Variants in ESRRG observed in about 807,000 individuals in gnomAD.
ESRRG encodes estrogen related receptor gamma.
Under a neutral mutation model 44.0 loss-of-function variants are expected in ESRRG, and 13 were observed. That is an observed-to-expected ratio of 0.30 (90% CI 0.19 to 0.47). The LOEUF is 0.47. Ranked by LOEUF, ESRRG falls within the 20% of genes least tolerant of loss-of-function variation. The pLI, the probability that ESRRG is intolerant of heterozygous loss-of-function variation, is 1.00. For missense variants in ESRRG, 395 were observed against 580.6 expected (o/e 0.68, Z 3.29); for synonymous variants, 215 against 214.6 (o/e 1.00, Z -0.02).
rs1434048457 is a variant in ESRRG at position 216,505,484 on chromosome 1, T to C, written c.*1455A>G. On this transcript the variant is annotated 3_prime_UTR_variant, in exon 7 of 7. Coordinates refer to ENST00000408911, the MANE Select transcript of ESRRG (RefSeq NM_001438.4). Reference sequence around the variant, plus strand: ...TTTTTTAATTCTGGCATTTGCCTTATTGCCTCTTAAATGAATACTGGCTCA... The same window carrying C: ...TTTTTTAATTCTGGCATTTGCCTTACTGCCTCTTAAATGAATACTGGCTCA... 6.6e-6 allele frequency: 1 copy of C among 152,588 alleles called. No homozygotes were observed. Among genetic ancestry groups the C allele is most frequent in the East Asian group, 1.9e-4 (1 of 5,202 alleles). 9.5% of individuals were successfully genotyped at this position (152,588 alleles called of 1,614,324 possible). A position where few individuals can be genotyped will look rare whatever the true frequency, so the allele number is the denominator to read the frequency against.
intron 1 of ESRRG, among the ~76,000 whole-genome samples, chr1:217,126,169 C>T (rs12121769): frequency 0.033 from 5,089 of 152,162 alleles, 109 homozygotes; most frequent in African/African-American, 0.048. Flanking sequence ...CCTCACTTTC[C>T]TCTCTGTGGG....
At chr1:217,034,318 G>T (rs1051128002) in intron 1 of ESRRG, among the ~76,000 whole-genome samples, 1 of 152,088 alleles carries the variant, frequency 6.6e-6, no homozygotes, top group African/African-American at 2.4e-5. Flanking sequence ...AATATCTTTC[G>T]TACCCATATA....
Position 217,030,102 on chromosome 1 carries a change from C to T in ESRRG, c.-106+59405G>A, listed in dbSNP as rs562716136. ...ATGTCAAAGAAAGAATAAGGTGGTG[C>T]GGAGGCAGTGCCTACACAGAGATTC... On this transcript the variant is annotated intron_variant, in intron 1 of 7. Transcript: ENST00000359162. Among the ~76,000 whole-genome samples the T allele has an allele frequency of 5.3e-5, 8 of 152,196 alleles. No homozygotes were observed. In the South Asian group the frequency reaches 1.0e-3, roughly 20 times the overall value.
chr1:216,663,989 T>A (rs1252166052), intron 2 of ESRRG, among the ~76,000 whole-genome samples: 1 of 152,140 alleles, frequency 6.6e-6, no homozygotes, highest in East Asian at 1.9e-4. Flanking sequence ...TTTCTAAAAA[T>A]GAATTGCAAA....
At chr1:216,676,603 A>G (rs887091666) in intron 2 of ESRRG, among the ~76,000 whole-genome samples, 2 of 152,204 alleles carry the variant, frequency 1.3e-5, no homozygotes, top group African/African-American at 4.8e-5. Flanking sequence ...GATCTAATGA[A>G]TCAGAAATTC....
intron 1 of ESRRG, among the ~76,000 whole-genome samples, chr1:216,691,325 T>C (rs550513172): frequency 6.6e-6 from 1 of 152,250 alleles, no homozygotes; most frequent in East Asian, 1.9e-4. Context: ...AAATACCACA[T>C]ATGAAACCTG....
intron 2 of ESRRG, among the ~76,000 whole-genome samples, chr1:216,829,779 C>A (rs1227802141): frequency 1.3e-5 from 2 of 152,058 alleles, no homozygotes; most frequent in Non-Finnish European, 2.9e-5. Flanking sequence ...GTCTCAAACT[C>A]CTGACCTCGA....
chr1:216,688,980 AAC>A (rs1467371442), intron 1 of ESRRG, among the ~76,000 whole-genome samples: 2 of 152,152 alleles, frequency 1.3e-5, no homozygotes, highest in African/African-American at 4.8e-5. Flanking sequence ...CATATGGGTA[AAC>A]ACACATTAAC....
chr1:217,065,476 A>C (rs1234052213), intron 1 of ESRRG, among the ~76,000 whole-genome samples: 6 of 152,196 alleles, frequency 3.9e-5, no homozygotes, highest in Non-Finnish European at 8.8e-5. Flanking sequence ...TTCAAACATG[A>C]GGTTTCAGTG....
intron 2 of ESRRG, among the ~76,000 whole-genome samples, chr1:216,768,776 C>T (rs2093238111): frequency 6.6e-6 from 1 of 152,018 alleles, no homozygotes; most frequent in Non-Finnish European, 1.5e-5. Context: ...CAGGGGTAAG[C>T]CACTGTGCCC....
chr1:216,542,586 T>C (rs1488828359), intron 5 of ESRRG, among the ~76,000 whole-genome samples: 1 of 152,028 alleles, frequency 6.6e-6, no homozygotes, highest in African/African-American at 2.4e-5. Context: ...TTGTAGCATT[T>C]GTTACACATA....
chr1:217,062,281 T>C (rs1034307678), intron 1 of ESRRG, among the ~76,000 whole-genome samples: 4 of 152,142 alleles, frequency 2.6e-5, no homozygotes, highest in African/African-American at 4.8e-5. Context: ...AAAATGACCA[T>C]GTTTTAAAAG....
intron 2 of ESRRG, among the ~76,000 whole-genome samples, chr1:216,834,622 T>C (rs1439806515): frequency 1.3e-5 from 2 of 152,196 alleles, no homozygotes; most frequent in African/African-American, 2.4e-5. Context: ...TGAAAAATGA[T>C]TGTCTTTGAC....
At chr1:216,888,633 G>T (rs950727551) in intron 2 of ESRRG, among the ~76,000 whole-genome samples, 3 of 152,010 alleles carry the variant, frequency 2.0e-5, no homozygotes, top group Non-Finnish European at 2.9e-5. Context: ...ATCAAAACTT[G>T]CTTCTACAGA....
chr1:216,986,802 A>G (rs984649695), intron 1 of ESRRG, among the ~76,000 whole-genome samples: 2 of 152,178 alleles, frequency 1.3e-5, no homozygotes, highest in East Asian at 3.9e-4. Flanking sequence ...AAATTCTTCT[A>G]AATCTCCCAG....
chr1:216,582,348 G>A (rs2062944727), intron 3 of ESRRG, among the ~76,000 whole-genome samples: 1 of 152,046 alleles, frequency 6.6e-6, no homozygotes. Flanking sequence ...GGCAACAAAG[G>A]GTCTTTAAAT....
chr1:216,733,448 T>C (rs1170676677), intron 2 of ESRRG, among the ~76,000 whole-genome samples: 1 of 152,162 alleles, frequency 6.6e-6, no homozygotes, highest in Non-Finnish European at 1.5e-5. Context: ...AACATTGACT[T>C]CATTGCCGTC....
intron 5 of ESRRG, among the ~76,000 whole-genome samples, chr1:216,561,604 C>T (rs1411156122): frequency 2.0e-5 from 3 of 152,102 alleles, no homozygotes; most frequent in African/African-American, 7.2e-5. Context: ...GTGTGGTCCT[C>T]TACTGACCAA....
intron 2 of ESRRG, among the ~76,000 whole-genome samples, chr1:216,848,956 C>T (rs539201589): frequency 4.6e-5 from 7 of 151,982 alleles, no homozygotes; most frequent in East Asian, 1.9e-4. Context: ...TTCCTCCTGG[C>T]GTATTTTATG....
Sources: allele counts gnomAD v4.1 joint callset (sites outside exome capture counted in the v4.1 genomes callset), GRCh38; gene constraint gnomAD v4.1.1; transcripts MANE v1.5; gene names NCBI Gene and HGNC (gene_info 2026-07-23, HGNC 2026-07-21).